Variants in PWWP3B observed in about 807,000 individuals in gnomAD.
The protein encoded by PWWP3B is PWWP domain containing 3B, also known as PWWP domain-containing DNA repair factor 3B.
In PWWP3B, 5 loss-of-function variants were observed where a neutral mutation model predicts 15.7. That is an observed-to-expected ratio of 0.32 (90% CI 0.17 to 0.67). The LOEUF is 0.67. PWWP3B is among the 30% of genes least tolerant of loss of function. The probability of loss-of-function intolerance (pLI) is 0.74; values close to 1 mark genes in which losing one functional copy is unlikely to be tolerated. For synonymous variants in PWWP3B, 203 were observed against 179.8 expected (o/e 1.13, Z -1.03); for missense variants, 519 against 493.1 (o/e 1.05, Z -0.50).
chrX:106,192,763 A>G (rs1219997477), intron 2 of PWWP3B, among the ~76,000 whole-genome samples: 5 of 110,989 alleles, frequency 4.5e-5, no homozygotes, highest in African/African-American at 1.6e-4. Flanking sequence ...GTTGGTTTCA[A>G]AGAACATCTT....
chrX:106,199,906 A>T (rs1022144346), intron 2 of PWWP3B, among the ~76,000 whole-genome samples: 28 of 111,895 alleles, frequency 2.5e-4, no homozygotes, highest in African/African-American at 8.4e-4. Context: ...GTAAAAAAAA[A>T]TTAAACCAGT....
intron 2 of PWWP3B, among the ~76,000 whole-genome samples, chrX:106,173,813 G>A (rs982283651): frequency 7.2e-5 from 8 of 111,532 alleles, no homozygotes; most frequent in African/African-American, 2.6e-4. Flanking sequence ...AGAGATACAG[G>A]TGACCCATGC....
At chrX:106,189,591 G>A (rs1189714408) in intron 2 of PWWP3B, among the ~76,000 whole-genome samples, 1 of 108,693 alleles carries the variant, frequency 9.2e-6, no homozygotes, top group Non-Finnish European at 1.9e-5. Flanking sequence ...AGTATTCCAT[G>A]GTGTATATGT....
At chrX:106,194,132 G>C (rs1383286726) in intron 2 of PWWP3B, among the ~76,000 whole-genome samples, 1 of 111,844 alleles carries the variant, frequency 8.9e-6, no homozygotes, top group Non-Finnish European at 1.9e-5. Flanking sequence ...ATCCTGCAGA[G>C]TGTTTTCCAA....
intron 2 of PWWP3B, among the ~76,000 whole-genome samples, chrX:106,192,112 A>C (rs1013261705): frequency 1.8e-5 from 2 of 111,787 alleles, no homozygotes; most frequent in Admixed American, 9.4e-5. Flanking sequence ...TTTCAGAAGG[A>C]ATGGTACCAC....
At position 106,205,455 on chromosome X, in the gene PWWP3B, G is replaced by A. The variant is rs749391089; in HGVS notation, c.23G>A (p.Cys8Tyr). ...ATAATGGAGTCTGAGTATGTCCTAT[G>A]CAACTGGAAAGACCAGTTGTGGCCA... MESEYVL[C>Y]NWKDQLWPAK... is the part of the protein sequence containing the mutation. Residue 8 changes from cysteine to tyrosine, a missense_variant, in exon 4 of 4, where the codon TGC becomes TAC. By Grantham distance (194) the Cys-to-Tyr change is radical. Coordinates refer to ENST00000357175, the MANE Select transcript of PWWP3B (RefSeq NM_001171020.2). The A allele has an allele frequency of 1.4e-5, 17 of 1,172,669 alleles. No homozygotes were observed. The South Asian group carries it at 3.4e-4, about 23-fold the overall frequency.
At chrX:106,171,965 T>C (rs1279009090) in intron 2 of PWWP3B, among the ~76,000 whole-genome samples, 2 of 111,604 alleles carry the variant, frequency 1.8e-5, no homozygotes, top group African/African-American at 6.5e-5. Flanking sequence ...AGGAATATAC[T>C]AAAATAAGAT....
intron 2 of PWWP3B, among the ~76,000 whole-genome samples, chrX:106,203,086 G>A (rs1327875603): frequency 3.6e-5 from 4 of 111,621 alleles, no homozygotes; most frequent in Non-Finnish European, 7.5e-5. Context: ...ATATTTAGGT[G>A]AATGATGTTC....
intron 2 of PWWP3B, among the ~76,000 whole-genome samples, chrX:106,199,225 T>A (rs1020567374): frequency 2.7e-5 from 3 of 110,147 alleles, no homozygotes; most frequent in African/African-American, 9.9e-5. Context: ...ATTTTTTCTT[T>A]TTTTGTATTT....
In PWWP3B at chrX:106,205,817, C is replaced by A. The variant is rs762338312; in HGVS notation, c.385C>A (p.Pro129Thr). The change falls in exon 4 of 4, where the codon CCC (proline) becomes ACC (threonine). Residue 129 changes from proline to threonine, a missense_variant. Coordinates refer to ENST00000357175, the MANE Select transcript of PWWP3B (RefSeq NM_001171020.2). Reference protein sequence around the residue: ...QNVPQKQSDSPPHKKYRKDEG... With the variant: ...QNVPQKQSDSTPHKKYRKDEG... Reference sequence around the variant, plus strand: ...TGTACCACAAAAACAGTCCGATTCACCCCCTCATAAAAAATACCGGAAGGA... The same window carrying A: ...TGTACCACAAAAACAGTCCGATTCAACCCCTCATAAAAAATACCGGAAGGA... 2.5e-6 allele frequency: 3 copies of A among 1,209,377 alleles called. No individual in the cohort carries two copies. Among genetic ancestry groups the A allele is most frequent in the South Asian group, 3.5e-5 (2 of 56,702 alleles).
chrX:106,189,779 G>A (rs774744614), intron 2 of PWWP3B, among the ~76,000 whole-genome samples: 4 of 108,595 alleles, frequency 3.7e-5, no homozygotes, highest in African/African-American at 1.0e-4. Flanking sequence ...TACCACGCCC[G>A]GCTAATTTTT....
chrX:106,205,687 C>G lies in PWWP3B; in HGVS notation c.255C>G (p.Ala85=), dbSNP rs767602888. The G allele has an allele frequency of 1.7e-5, 20 of 1,209,906 alleles. No homozygotes were observed. The highest frequency in any genetic ancestry group is 2.2e-5 in the Non-Finnish European group (20 of 895,148). Reference sequence around the variant, plus strand: ...GTGCTCCACCTACAGAGGAAACTGCCTATGGAAGATCACTAAAAGTGGCAC... The same window carrying G: ...GTGCTCCACCTACAGAGGAAACTGCGTATGGAAGATCACTAAAAGTGGCAC... The part of the protein sequence containing the change: ...EDSAPPTEET[A]YGRSLKVALG... The change falls in exon 4 of 4, where the codon GCC becomes GCG. Residue 85 remains alanine (A), a synonymous_variant. Coordinates refer to ENST00000357175, the MANE Select transcript of PWWP3B (RefSeq NM_001171020.2).
chrX:106,171,975 T>C (rs752320055), intron 2 of PWWP3B, among the ~76,000 whole-genome samples: 1 of 111,601 alleles, frequency 9.0e-6, no homozygotes, highest in South Asian at 3.7e-4. Flanking sequence ...TAAAATAAGA[T>C]TAAAAAGTAT....
intron 2 of PWWP3B, among the ~76,000 whole-genome samples, chrX:106,196,201 G>A (rs898854951): frequency 9.0e-6 from 1 of 111,139 alleles, no homozygotes; most frequent in Non-Finnish European, 1.9e-5. Context: ...AGCTCCATTG[G>A]GATTTTCTAC....
intron 3 of PWWP3B, among the ~76,000 whole-genome samples, chrX:106,204,585 TG>T (rs778574007): frequency 1.2e-3 from 129 of 112,129 alleles, no homozygotes; most frequent in Non-Finnish European, 2.1e-3. Context: ...ATTGTATTTT[TG>T]TTTGGGTCCA....
At chrX:106,203,952 G>A (rs928531724) in intron 2 of PWWP3B, 33 bp from the exon 3 acceptor site, 1 of 111,965 alleles carries the variant, frequency 8.9e-6, no homozygotes, top group South Asian at 3.7e-4. Flanking sequence ...TTCCCATTTC[G>A]TTGGTTTTAT....
chrX:106,200,224 A>G (rs1299480721), intron 2 of PWWP3B, among the ~76,000 whole-genome samples: 1 of 111,858 alleles, frequency 8.9e-6, no homozygotes, highest in African/African-American at 3.3e-5. Context: ...GAGCCACAGG[A>G]TGGAAGAAGA....
intron 2 of PWWP3B, among the ~76,000 whole-genome samples, chrX:106,191,722 C>T (rs1174853910): frequency 9.0e-6 from 1 of 111,065 alleles, no homozygotes; most frequent in Non-Finnish European, 1.9e-5. Flanking sequence ...CCCATCAGTA[C>T]CTAATTTATT....
rs1053385433 is a variant in PWWP3B at position 106,207,208 on chromosome X, C to G, written c.1776C>G (p.Phe592Leu). 1 of 1,207,434 alleles carries G rather than the reference C, an allele frequency of 8.3e-7. No homozygotes were observed. The highest frequency in any genetic ancestry group is 1.1e-6 in the Non-Finnish European group (1 of 893,664). Residue 592 changes from phenylalanine to leucine, a missense_variant, in exon 4 of 4, where the codon TTC (phenylalanine) becomes TTG (leucine). Transcript: ENST00000357175. ...WLKSFLNANR[F>L]TPCIETYFED... ...AATCATTTTTGAATGCAAATAGGTTCACACCCTGTATTGAAACATACTTTG... is the reference window on the plus strand; with the variant it reads ...AATCATTTTTGAATGCAAATAGGTTGACACCCTGTATTGAAACATACTTTG...
Sources: gnomAD v4.1 joint callset for allele counts (sites outside exome capture counted in the v4.1 genomes callset) on GRCh38, gnomAD v4.1.1 for gene constraint, MANE v1.5 for transcripts, NCBI Gene and HGNC (gene_info 2026-07-23, HGNC 2026-07-21) for gene names.